PTPRA: variants seen among roughly 807,000 people sequenced by gnomAD.
The protein encoded by PTPRA is protein tyrosine phosphatase receptor type A, also known as receptor-type tyrosine-protein phosphatase alpha.
Under a neutral mutation model 104.8 loss-of-function variants are expected in PTPRA, and 25 were observed. That is an observed-to-expected ratio of 0.24 (90% CI 0.17 to 0.33). PTPRA has a LOEUF of 0.33. Ranked by LOEUF, PTPRA falls within the 10% of genes least tolerant of loss-of-function variation. PTPRA has a pLI of 1.00. For missense variants in PTPRA, 765 were observed against 1,015.3 expected (o/e 0.75, Z 3.35); for synonymous variants, 323 against 368.9 (o/e 0.88, Z 1.43).
chr20:3,032,272 G>A (rs1025749251), intron 20 of PTPRA, among the ~76,000 whole-genome samples: 2 of 152,074 alleles, frequency 1.3e-5, no homozygotes, highest in African/African-American at 2.4e-5. Context: ...GCCCCATTCC[G>A]TCCTGCCTGC....
chr20:3,036,068 T>G, intron 22 of PTPRA, 127 bp downstream of exon 22: 2 of 1,473,018 alleles, frequency 1.4e-6, no homozygotes, highest in South Asian at 2.7e-5. Context: ...ACATAGTAGT[T>G]GAGATTGATG....
chr20:2,881,009 CAA>C (rs960141735), intron 1 of PTPRA, among the ~76,000 whole-genome samples: 1 of 138,824 alleles, frequency 7.2e-6, no homozygotes, highest in Non-Finnish European at 1.6e-5. Context: ...CTCTGTGTCT[CAA>C]AAAAAAAAAG....
At chr20:2,866,598 G>T in the PTPRA span, 11 of 1,612,714 alleles carry the variant, frequency 6.8e-6, no homozygotes, top group Non-Finnish European at 8.5e-6. Flanking sequence ...TACATCTCAA[G>T]CAAGGGGTTC....
At chr20:3,003,700 A>ATTTT (rs59358849) in intron 9 of PTPRA, among the ~76,000 whole-genome samples, 2 of 105,548 alleles carry the variant, frequency 1.9e-5, no homozygotes, top group East Asian at 3.0e-4. Context: ...ATACCTGGCT[A>ATTTT]TTTTTTTTTT....
chr20:2,986,679 C>T (rs2062924750), intron 6 of PTPRA, 86 bp from the exon 7 acceptor site: 4 of 1,151,748 alleles, frequency 3.5e-6, no homozygotes, highest in Non-Finnish European at 5.3e-6. Flanking sequence ...ATGAGCTCTT[C>T]CTCTTCAGGG....
In PTPRA at chr20:3,018,978, G is replaced by T. The variant is rs1353371215; in HGVS notation, c.1041+1065G>T. The stretch of plus-strand genomic sequence containing the variant: ...CGGACGGGGCGGCTGGCCGGGCAGG[G>T]GGCTGATCCCCCAACCTCCCTCCCG... On this transcript the variant is annotated intron_variant, in intron 13 of 23. Coordinates refer to ENST00000399903, the MANE Select transcript of PTPRA (RefSeq NM_001385305.1). 1.4e-5 allele frequency among the ~76,000 whole-genome samples: 2 copies of T among 138,846 alleles called. 1 individual carries two copies. The allele number at this position is 138,846 out of a possible 152,430, so 91.1% of individuals were successfully genotyped here. A position where few individuals can be genotyped will look rare whatever the true frequency, so the allele number is the denominator to read the frequency against.
At chr20:2,951,123 G>A (rs1376933415) in intron 3 of PTPRA, among the ~76,000 whole-genome samples, 3 of 151,026 alleles carry the variant, frequency 2.0e-5, no homozygotes, top group Admixed American at 6.6e-5. Flanking sequence ...TTTTTTAGAC[G>A]GAGTCTCGCT....
intron 2 of PTPRA, among the ~76,000 whole-genome samples, chr20:2,946,602 C>T: frequency 6.6e-6 from 1 of 152,096 alleles, no homozygotes; most frequent in Non-Finnish European, 1.5e-5. Context: ...GTAATCCCAG[C>T]ACTTTGGGAG....
intron 13 of PTPRA, among the ~76,000 whole-genome samples, chr20:3,020,162 G>T (rs2064785617): frequency 6.6e-6 from 1 of 152,182 alleles, no homozygotes; most frequent in Admixed American, 6.5e-5. Flanking sequence ...AGGCTGAAGG[G>T]CAGTGGTGCC....
At chr20:2,873,119 T>C (rs1156388630), upstream of PTPRA, among the ~76,000 whole-genome samples, 3 of 152,008 alleles carry the variant, frequency 2.0e-5, no homozygotes, top group African/African-American at 7.2e-5. The surrounding 1 kb of genome is among the most constrained non-coding windows in gnomAD (Gnocchi z 4.4). Context: ...GGCTCTCGAG[T>C]TGCAGGCCGC....
chr20:2,984,128 A>G (rs1392688414), intron 6 of PTPRA, among the ~76,000 whole-genome samples: 1 of 152,108 alleles, frequency 6.6e-6, no homozygotes, highest in Non-Finnish European at 1.5e-5. Flanking sequence ...TTTTAAGGTG[A>G]GAGCCACATA....
chr20:2,961,684 C>T (rs8119720), intron 3 of PTPRA, among the ~76,000 whole-genome samples: 3 of 152,118 alleles, frequency 2.0e-5, no homozygotes, highest in African/African-American at 4.8e-5. Context: ...AAAAAGTTCT[C>T]GCCATACCCA....
At chr20:3,005,576 A>G (rs1024905972) in intron 10 of PTPRA, among the ~76,000 whole-genome samples, 1 of 149,610 alleles carries the variant, frequency 6.7e-6, no homozygotes, top group Non-Finnish European at 1.5e-5. Context: ...AAGAAATGAA[A>G]TAAATAATAA....
Position 2,881,083 on chromosome 20 carries a change from T to C in PTPRA, c.-129+7323T>C, listed in dbSNP as rs578095236. On this transcript the variant is annotated intron_variant, in intron 1 of 23. Transcript: ENST00000399903. Reference sequence around the variant, plus strand: ...CAGCACTTTGGGAGGTCAGGGTGGGTGGATCACAAGGTCAAGAGATCGAGA... The same window carrying C: ...CAGCACTTTGGGAGGTCAGGGTGGGCGGATCACAAGGTCAAGAGATCGAGA... Among the ~76,000 whole-genome samples the C allele has an allele frequency of 6.0e-5, 9 of 150,720 alleles. No homozygotes were observed. The South Asian group carries it at 1.9e-3, about 32-fold the overall frequency.
intron 1 of PTPRA, among the ~76,000 whole-genome samples, chr20:2,874,715 T>C (rs2089601897): frequency 6.6e-6 from 1 of 152,202 alleles, no homozygotes; most frequent in Non-Finnish European, 1.5e-5. Context: ...TCTGATGCTG[T>C]CACTTGTTTA....
chr20:2,870,956 T>C (rs183106667), upstream of PTPRA, among the ~76,000 whole-genome samples: 60 of 152,292 alleles, frequency 3.9e-4, no homozygotes, highest in East Asian at 0.011. Flanking sequence ...TACTCTGTGA[T>C]GATGATGGGC....
At chr20:3,019,196 C>T (rs1423687910) in intron 13 of PTPRA, among the ~76,000 whole-genome samples, 2 of 140,332 alleles carry the variant, frequency 1.4e-5, no homozygotes, top group Non-Finnish European at 3.1e-5. Context: ...GCCGGCCGGG[C>T]GTGGGGCTGA....
chr20:2,938,963 C>T (rs535442893), intron 2 of PTPRA, among the ~76,000 whole-genome samples: 4 of 152,224 alleles, frequency 2.6e-5, no homozygotes, highest in African/African-American at 9.6e-5. Context: ...GGATTGCATC[C>T]TAGCACTTGG....
At chr20:2,910,668 A>G (rs778539347) in intron 1 of PTPRA, among the ~76,000 whole-genome samples, 3 of 134,586 alleles carry the variant, frequency 2.2e-5, no homozygotes, top group Non-Finnish European at 4.6e-5. Context: ...GTGCAGTGAC[A>G]TGATCTCGGC....
Sources: gnomAD v4.1 joint callset for allele counts (sites outside exome capture counted in the v4.1 genomes callset) on GRCh38, gnomAD v4.1.1 for gene constraint, Gnocchi (gnomAD v3.1) non-coding constraint, MANE v1.5 for transcripts, NCBI Gene and HGNC (gene_info 2026-07-23, HGNC 2026-07-21) for gene names.